The following GALNT2 variants were observed in gnomAD, a reference collection of about 807,000 sequenced individuals.
The protein encoded by GALNT2 is polypeptide N-acetylgalactosaminyltransferase 2.
A neutral mutation model predicts 81.4 loss-of-function variants in GALNT2; 31 were observed. The observed-to-expected ratio is 0.38, with a 90% CI of 0.29 to 0.51. GALNT2 has a LOEUF of 0.51. Among genes scored for constraint, GALNT2 ranks in the 20% least tolerant of loss-of-function variants. GALNT2 has a pLI of 0.87. For synonymous variants in GALNT2, 303 were observed against 287.4 expected, an observed-to-expected ratio of 1.05 and a Z score of -0.55; for missense variants, 629 against 765.7, an observed-to-expected ratio of 0.82 and a Z score of 2.11.
chr1:230,139,498 A>G (rs998794322), intron 1 of GALNT2, among the ~76,000 whole-genome samples: 1 of 152,122 alleles, frequency 6.6e-6, no homozygotes, highest in Non-Finnish European at 1.5e-5. Context: ...CTCCTGCCCC[A>G]TGAAGGGAGG....
At chr1:230,166,572 C>T (rs973102391) in intron 1 of GALNT2, among the ~76,000 whole-genome samples, 7 of 152,234 alleles carry the variant, frequency 4.6e-5, no homozygotes, top group Non-Finnish European at 8.8e-5. Flanking sequence ...CAGTGGACTC[C>T]GGGGATTCAG....
In GALNT2 at chr1:230,157,795, C is replaced by T. The variant is rs182646432; in HGVS notation, c.127-20423C>T. 1.6e-3 allele frequency among the ~76,000 whole-genome samples: 243 copies of T among 152,280 alleles called. 1 individual carries two copies. The highest frequency in any genetic ancestry group is 3.1e-3 in the Non-Finnish European group (208 of 68,034). On this transcript the variant is annotated intron_variant, in intron 1 of 15. Coordinates refer to ENST00000366672, the MANE Select transcript of GALNT2 (RefSeq NM_004481.5). ...GGAAAAGGCAAAACTACAGAGAAAG[C>T]AGATCAAGGATTGCCAGGGGCTGGA...
intron 7 of GALNT2, among the ~76,000 whole-genome samples, chr1:230,245,338 T>A (rs542512019): frequency 6.6e-6 from 1 of 151,988 alleles, no homozygotes; most frequent in East Asian, 1.9e-4. Flanking sequence ...GTGGTGCATA[T>A]CTGTAATCCC....
At chr1:230,113,779 A>AT (rs1408976221) in intron 1 of GALNT2, among the ~76,000 whole-genome samples, 2 of 152,152 alleles carry the variant, frequency 1.3e-5, no homozygotes, top group Non-Finnish European at 2.9e-5. Context: ...AAAAGAGGTC[A>AT]TGATCTCTGT....
intron 1 of GALNT2, among the ~76,000 whole-genome samples, chr1:230,115,046 C>T (rs368523045): frequency 6.9e-6 from 1 of 145,052 alleles, no homozygotes; most frequent in Non-Finnish European, 1.5e-5. Context: ...CACTCTGTCA[C>T]CCAGGCTGGA....
At chr1:230,211,624 TTACTC>T (rs1277947742) in intron 3 of GALNT2, among the ~76,000 whole-genome samples, 23 of 151,872 alleles carry the variant, frequency 1.5e-4, no homozygotes, top group Admixed American at 3.3e-4. Flanking sequence ...TAAAAAACAA[TTACTC>T]TAGTGTGGTG....
intron 1 of GALNT2, among the ~76,000 whole-genome samples, chr1:230,170,870 C>G (rs1428667505): frequency 4.6e-5 from 7 of 152,138 alleles, no homozygotes. Context: ...GGGATCCACC[C>G]CCATGACGCA....
At chr1:230,190,033 C>T (rs1164727594) in intron 2 of GALNT2, among the ~76,000 whole-genome samples, 1 of 152,172 alleles carries the variant, frequency 6.6e-6, no homozygotes. Flanking sequence ...CCGTGTGACA[C>T]TTGTGGGGAG....
intron 1 of GALNT2, among the ~76,000 whole-genome samples, chr1:230,098,844 CACTG>C (rs994716827): frequency 2.0e-5 from 3 of 152,188 alleles, no homozygotes; most frequent in Non-Finnish European, 4.4e-5. Flanking sequence ...CCTCCACAAG[CACTG>C]ACTGTATGCC....
At chr1:230,114,003 C>T (rs1434921053) in intron 1 of GALNT2, among the ~76,000 whole-genome samples, 2 of 152,130 alleles carry the variant, frequency 1.3e-5, no homozygotes, top group South Asian at 2.1e-4. Context: ...AAGTGCTTGA[C>T]GTGATAGAAT....
chr1:230,245,682 C>T (rs969281664), intron 7 of GALNT2, among the ~76,000 whole-genome samples: 9 of 152,214 alleles, frequency 5.9e-5, no homozygotes, highest in African/African-American at 2.2e-4. Flanking sequence ...TTTACTGCAG[C>T]TCACAAATCA....
At chr1:230,220,837 C>A (rs990664651) in intron 3 of GALNT2, among the ~76,000 whole-genome samples, 4 of 152,110 alleles carry the variant, frequency 2.6e-5, no homozygotes, top group African/African-American at 9.7e-5. Context: ...CTTATCTTGG[C>A]CAAATATTAG....
At position 230,257,585 on chromosome 1, in the gene GALNT2, C is replaced by T. The variant is rs914149709; in HGVS notation, c.1136+2241C>T. 1.3e-5 allele frequency among the ~76,000 whole-genome samples: 2 copies of T among 152,156 alleles called. No homozygotes were observed. The highest frequency in any genetic ancestry group is 4.8e-5 in the African/African-American group (2 of 41,424). On this transcript the variant is annotated intron_variant, in intron 11 of 15. Coordinates refer to ENST00000366672, the MANE Select transcript of GALNT2 (RefSeq NM_004481.5). The surrounding 1 kb of genome is among the most constrained non-coding windows in gnomAD (Gnocchi z 4.6). Reference sequence around the variant, plus strand: ...GCCTAGGTGTATATTAAGGATACACCATCTAGGTTTGTGTAAATATACTCT... The same window carrying T: ...GCCTAGGTGTATATTAAGGATACACTATCTAGGTTTGTGTAAATATACTCT...
At chr1:230,087,920 T>G (rs1392457340) in intron 1 of GALNT2, among the ~76,000 whole-genome samples, 3 of 152,148 alleles carry the variant, frequency 2.0e-5, no homozygotes, top group Non-Finnish European at 2.9e-5. Context: ...CTGAGAATAA[T>G]AAAAACGATG....
intron 1 of GALNT2, among the ~76,000 whole-genome samples, chr1:230,102,218 G>A (rs187303423): frequency 4.9e-4 from 74 of 152,282 alleles, no homozygotes; most frequent in African/African-American, 1.7e-3. Context: ...GAGCTTAGAC[G>A]AAGCCCCAGG....
chr1:230,114,031 C>G (rs1660774909), intron 1 of GALNT2, among the ~76,000 whole-genome samples: 2 of 152,184 alleles, frequency 1.3e-5, no homozygotes, highest in South Asian at 2.1e-4. Flanking sequence ...CTTGCGTTCC[C>G]AGCCTTGGCT....
Position 230,279,235 on chromosome 1 carries a change from T to C in GALNT2, c.1561-68T>C. On this transcript the variant is annotated intron_variant, in intron 15 of 15. Transcript: ENST00000366672. The surrounding 1 kb of genome is among the most constrained non-coding windows in gnomAD (Gnocchi z 4.6). ...TTTAATGCAGCCACAAGGTCCTGAA[T>C]TCACACGAATCTGTTTGTACTCCTT... 6.6e-7 allele frequency: 1 copy of C among 1,518,452 alleles called. No homozygotes were observed. The highest frequency in any genetic ancestry group is 9.0e-7 in the Non-Finnish European group (1 of 1,116,094). 94.1% of individuals were successfully genotyped at this position (1,518,452 alleles called of 1,614,324 possible). A position where few individuals can be genotyped will look rare whatever the true frequency, so the allele number is the denominator to read the frequency against.
intron 6 of GALNT2, 54 bp downstream of exon 6, chr1:230,236,779 A>AATAAC: frequency 1.3e-6 from 2 of 1,545,240 alleles, no homozygotes; most frequent in South Asian, 2.4e-5. Flanking sequence ...CTTTTCCTGT[A>AATAAC]ATAACATAAA....
chr1:230,086,920 A>G (rs1485187515), intron 1 of GALNT2, among the ~76,000 whole-genome samples: 1 of 152,116 alleles, frequency 6.6e-6, no homozygotes, highest in Admixed American at 6.5e-5. Flanking sequence ...GTACCTTTCT[A>G]TGTCTCTGTT....
Sources: allele counts gnomAD v4.1 joint callset (sites outside exome capture counted in the v4.1 genomes callset), GRCh38; gene constraint gnomAD v4.1.1; non-coding constraint Gnocchi (gnomAD v3.1); transcripts MANE v1.5; gene names NCBI Gene and HGNC (gene_info 2026-07-23, HGNC 2026-07-21).